The following ARMC9 variants were observed in gnomAD, a reference collection of about 807,000 sequenced individuals.
The protein encoded by ARMC9 is lisH domain-containing protein ARMC9.
In ARMC9, 94 loss-of-function variants were observed where a neutral mutation model predicts 107.0. The ratio of observed to expected loss-of-function variants is 0.88; its 90% CI spans 0.74 to 1.04. The LOEUF (loss-of-function observed/expected upper bound fraction) is 1.04. Among genes scored for constraint, ARMC9 ranks in the 50% least tolerant of loss-of-function variants. The pLI is 0.00. For synonymous variants in ARMC9, 380 were observed against 396.9 expected (o/e 0.96, Z 0.51); for missense variants, 942 against 1,030.1 (o/e 0.91, Z 1.17).
chr2:231,228,103 CCTGGCCACGGT>C (rs1291490211), intron 7 of ARMC9, among the ~76,000 whole-genome samples: 1 of 152,182 alleles, frequency 6.6e-6, no homozygotes, highest in Non-Finnish European at 1.5e-5. Flanking sequence ...TAGGCCCAGG[CCTGGCCACGGT>C]GCGTCCCGGG....
At chr2:231,250,747 TA>T (rs913443226) in intron 9 of ARMC9, among the ~76,000 whole-genome samples, 1 of 152,088 alleles carries the variant, frequency 6.6e-6, no homozygotes, top group Non-Finnish European at 1.5e-5. Context: ...ATGCGATTTT[TA>T]CAAAGACCCC....
At chr2:231,329,689 T>C (rs1011879502) in intron 19 of ARMC9, among the ~76,000 whole-genome samples, 1 of 152,234 alleles carries the variant, frequency 6.6e-6, no homozygotes, top group Non-Finnish European at 1.5e-5. Context: ...ATTTCTCTTT[T>C]TTTGAGCACT....
intron 17 of ARMC9, among the ~76,000 whole-genome samples, chr2:231,287,551 C>T (rs938369997): frequency 4.6e-5 from 7 of 152,118 alleles, no homozygotes; most frequent in African/African-American, 1.7e-4. Context: ...CTTTGCTTTG[C>T]TTTGCTCTCC....
At position 231,206,297 on chromosome 2, in the gene ARMC9, T is replaced by C; in HGVS notation, c.51+8T>C. 1 of 1,611,808 alleles carries C rather than the reference T, an allele frequency of 6.2e-7. No homozygotes were observed. The highest frequency in any genetic ancestry group is 1.1e-5 in the South Asian group (1 of 90,958). ...CTTGGACTAGTGAAAGAGGTAGGTA[T>C]ATTATACAAAGCAGAGGTCACAGAG... On this transcript the variant is annotated splice_region_variant and intron_variant, in intron 2 of 24. Transcript: ENST00000611582.
At chr2:231,353,942 T>C (rs1159924801) in intron 21 of ARMC9, among the ~76,000 whole-genome samples, 9 of 151,620 alleles carry the variant, frequency 5.9e-5, no homozygotes, top group Admixed American at 5.9e-4. Context: ...TTGTGATGTT[T>C]TAAATCTTTC....
chr2:231,277,562 CT>C (rs5839396), intron 15 of ARMC9, among the ~76,000 whole-genome samples: 25,237 of 135,704 alleles, frequency 0.19, 2,857 homozygotes, highest in East Asian at 0.43. Context: ...AAGTCCTAGC[CT>C]TTTTTTTTTT....
intron 19 of ARMC9, among the ~76,000 whole-genome samples, chr2:231,329,973 T>A (rs1339619413): frequency 6.6e-6 from 1 of 152,196 alleles, no homozygotes; most frequent in East Asian, 1.9e-4. Flanking sequence ...TTCCTACAAA[T>A]GTTCAATTTC....
At chr2:231,250,516 G>T (rs1231156029) in intron 9 of ARMC9, among the ~76,000 whole-genome samples, 1 of 152,208 alleles carries the variant, frequency 6.6e-6, no homozygotes, top group East Asian at 1.9e-4. Context: ...TCACACTGCA[G>T]AGAACGCAGG....
At chr2:231,272,341 G>T (rs2039405711) in intron 13 of ARMC9, among the ~76,000 whole-genome samples, 1 of 151,818 alleles carries the variant, frequency 6.6e-6, no homozygotes, top group Admixed American at 6.6e-5. Flanking sequence ...CAACAGGTGT[G>T]CATCATCATA....
chr2:231,256,068 C>G, intron 9 of ARMC9: 1 of 1,535,894 alleles, frequency 6.5e-7, no homozygotes, highest in South Asian at 1.2e-5. Context: ...AAAACCGCCT[C>G]TCCGCCAGAC....
At chr2:231,230,873 A>AGCG (rs1420752874) in intron 7 of ARMC9, among the ~76,000 whole-genome samples, 2 of 152,228 alleles carry the variant, frequency 1.3e-5, no homozygotes, top group African/African-American at 4.8e-5. Context: ...GAATATTTTC[A>AGCG]ACCTGAGGTG....
At chr2:231,343,940 C>T (rs922283183) in intron 20 of ARMC9, among the ~76,000 whole-genome samples, 2 of 151,780 alleles carry the variant, frequency 1.3e-5, no homozygotes, top group Admixed American at 1.3e-4. Flanking sequence ...ATTATTATAA[C>T]CTGATTTTTA....
chr2:231,222,884 C>T lies in ARMC9; in HGVS notation c.597+64C>T, dbSNP rs149578799. The T allele has an allele frequency of 3.7e-4, 407 of 1,094,274 alleles. 4 individuals carry two copies. The highest frequency in any genetic ancestry group is 1.6e-3 in the South Asian group (110 of 69,088). The allele number at this position is 1,094,274 out of a possible 1,614,324, so 67.8% of individuals were successfully genotyped here. A position where few individuals can be genotyped will look rare whatever the true frequency, so the allele number is the denominator to read the frequency against. On this transcript the variant is annotated intron_variant, in intron 6 of 24. Transcript: ENST00000611582. ...AGAGCAGATTTTATTTAGAGTTGCA[C>T]GCTGGCTTAGGTTTATTGAGGTTGC... is the stretch of plus-strand genomic sequence containing the variant.
At chr2:231,274,911 G>A (rs190670815) in intron 14 of ARMC9, among the ~76,000 whole-genome samples, 1 of 152,270 alleles carries the variant, frequency 6.6e-6, no homozygotes, top group East Asian at 1.9e-4. Flanking sequence ...CTTCCTCAGA[G>A]CATACAAACA....
chr2:231,246,383 A>G (rs138836358), intron 9 of ARMC9, among the ~76,000 whole-genome samples: 82 of 152,194 alleles, frequency 5.4e-4, no homozygotes, highest in African/African-American at 1.9e-3. Context: ...AGTTCCCAGT[A>G]TCTGTTATTC....
At chr2:231,247,621 G>A (rs564851481) in intron 9 of ARMC9, among the ~76,000 whole-genome samples, 2 of 152,184 alleles carry the variant, frequency 1.3e-5, no homozygotes, top group East Asian at 1.9e-4. Flanking sequence ...AGACCAACCT[G>A]GTGATGAGAG....
At chr2:231,370,221 TG>T (rs2045965174) in intron 24 of ARMC9, 96 bp downstream of exon 24, 1 of 1,348,136 alleles carries the variant, frequency 7.4e-7, no homozygotes. Context: ...CGTGCTCCTG[TG>T]TGTACCAGGC....
At chr2:231,242,505 T>C (rs1444373526) in intron 9 of ARMC9, among the ~76,000 whole-genome samples, 2 of 152,194 alleles carry the variant, frequency 1.3e-5, no homozygotes, top group African/African-American at 2.4e-5. Flanking sequence ...AACTTCCTCA[T>C]GAGCCCCTCA....
intron 5 of ARMC9, among the ~76,000 whole-genome samples, chr2:231,217,637 C>T (rs1352028238): frequency 6.6e-6 from 1 of 151,596 alleles, no homozygotes; most frequent in Non-Finnish European, 1.5e-5. Flanking sequence ...ACAATTTTTA[C>T]ATTATCACAC....
Sources: allele counts gnomAD v4.1 joint callset (sites outside exome capture counted in the v4.1 genomes callset), GRCh38; gene constraint gnomAD v4.1.1; transcripts MANE v1.5; gene names NCBI Gene and HGNC (gene_info 2026-07-23, HGNC 2026-07-21).